The following SBNO1 variants were observed in gnomAD, a reference collection of about 807,000 sequenced individuals.
SBNO1 encodes protein strawberry notch homolog 1.
SBNO1 carries 23 observed loss-of-function variants against 173.6 expected under a neutral mutation model. The ratio of observed to expected loss-of-function variants is 0.13; its 90% CI spans 0.10 to 0.19. The LOEUF (loss-of-function observed/expected upper bound fraction) is 0.19. Among genes scored for constraint, SBNO1 ranks in the 10% least tolerant of loss-of-function variants. SBNO1 has a pLI of 1.00. For missense variants in SBNO1, 1,238 were observed against 1,671.2 expected, an observed-to-expected ratio of 0.74 and a Z score of 4.52; for synonymous variants, 632 against 571.5, an observed-to-expected ratio of 1.11 and a Z score of -1.51.
Position 123,364,846 on chromosome 12 carries a change from C to G in SBNO1, c.-146G>C. ...CCTCCCCGCCGCCATCTTGACGCCC[C>G]TCCCCCAGCCCCCCCGCCCCGCCGG... On this transcript the variant is annotated 5_prime_UTR_variant, in exon 1 of 32. Transcript: ENST00000602398. The G allele has an allele frequency of 1.1e-6, 1 of 919,736 alleles. No individual in the cohort carries two copies. Among genetic ancestry groups the G allele is most frequent in the Non-Finnish European group, 1.3e-6 (1 of 770,658 alleles). The allele number at this position is 919,736 out of a possible 1,614,324, so 57.0% of individuals were successfully genotyped here.
chr12:123,316,528 T>C (rs1230867127), intron 21 of SBNO1, among the ~76,000 whole-genome samples: 1 of 151,450 alleles, frequency 6.6e-6, no homozygotes, highest in Non-Finnish European at 1.5e-5. Flanking sequence ...CCAGCCTGTT[T>C]TTGTTTTTTG....
At chr12:123,317,883 G>A (rs1357219635) in intron 20 of SBNO1, among the ~76,000 whole-genome samples, 1 of 152,042 alleles carries the variant, frequency 6.6e-6, no homozygotes, top group Non-Finnish European at 1.5e-5. Context: ...AATGCATATG[G>A]GCCTAGATTC....
rs754665276 is a variant in SBNO1, at chr12:123,345,422, C to A, written c.386G>T (p.Ser129Ile). Residue 129 changes from serine (S) to isoleucine (I), a missense_variant, in exon 4 of 32, where the codon AGC (serine) becomes ATC (isoleucine). This residue lies in a region of SBNO1 where 287 missense variants were observed against 274.1 expected (regional missense o/e 1.05). Transcript: ENST00000602398. ...TLTKFIQTTASTRPSVSAPTV... is the reference protein window; with the variant it reads ...TLTKFIQTTAITRPSVSAPTV... ...TGGTGCTGAGACTGACGGGCGTGTG[C>A]TTGCAGTAGTCTGGATAAACTTAGT... 5 of 1,614,052 alleles carry A rather than the reference C, an allele frequency of 3.1e-6. No homozygotes were observed. In the African/African-American group the frequency reaches 5.3e-5, roughly 17 times the overall value.
At chr12:123,348,234 C>A (rs1873447008) in intron 2 of SBNO1, 101 bp from the exon 3 acceptor site, 2 of 605,420 alleles carry the variant, frequency 3.3e-6, no homozygotes, top group Non-Finnish European at 3.0e-6. Flanking sequence ...GTTTAACATT[C>A]AAACTGACGT....
intron 31 of SBNO1, among the ~76,000 whole-genome samples, chr12:123,297,041 C>G (rs1056249254): frequency 6.6e-6 from 1 of 151,400 alleles, no homozygotes; most frequent in African/African-American, 2.4e-5. Context: ...TATATGAAAC[C>G]TCTTGATTTT....
chr12:123,323,847 A>AGT lies in SBNO1; in HGVS notation c.1974-18_1974-17dup. 1 of 1,570,020 alleles carries AGT rather than the reference A, an allele frequency of 6.4e-7. No homozygotes were observed. The highest frequency in any genetic ancestry group is 8.6e-7 in the Non-Finnish European group (1 of 1,163,864). ...CAACACACCTCTGTAGGAGAGAAAC[A>AGT]GTGACAATTACTGCTTCAGTTGACA... On this transcript the variant is annotated splice_polypyrimidine_tract_variant and intron_variant, in intron 15 of 31. Transcript: ENST00000602398.
chr12:123,310,906 T>C, intron 25 of SBNO1, 149 bp downstream of exon 25: 1 of 612,360 alleles, frequency 1.6e-6, no homozygotes, highest in Non-Finnish European at 2.9e-6. Flanking sequence ...TCTCTATGCA[T>C]GGATCTTTTA....
intron 24 of SBNO1, 84 bp from the exon 25 acceptor site, chr12:123,311,213 T>C (rs1412113695): frequency 3.1e-6 from 3 of 968,004 alleles, no homozygotes; most frequent in African/African-American, 3.2e-5. Flanking sequence ...ATGTTGTAAG[T>C]AGTATCATGC....
chr12:123,358,480 G>A (rs761823889), intron 1 of SBNO1, among the ~76,000 whole-genome samples: 42 of 152,150 alleles, frequency 2.8e-4, no homozygotes, highest in African/African-American at 9.4e-4. Context: ...CGGGCCAGGC[G>A]CGGTGGCTCA....
chr12:123,342,802 G>T (rs1174723128), intron 4 of SBNO1, among the ~76,000 whole-genome samples: 1 of 152,162 alleles, frequency 6.6e-6, no homozygotes, highest in South Asian at 2.1e-4. Context: ...CACAGTACCT[G>T]GAATTCTTGA....
chr12:123,353,935 A>G lies in SBNO1; in HGVS notation c.1-3494T>C, dbSNP rs539619015. Among the ~76,000 whole-genome samples the G allele has an allele frequency of 2.0e-5, 3 of 152,336 alleles. No homozygotes were observed. In the East Asian group the frequency reaches 5.8e-4, roughly 29 times the overall value. ...AAACTACAGACCACAGAGCCCCTGC[A>G]GGCCACAGGATCCATCAGTCCATGA... On this transcript the variant is annotated intron_variant, in intron 1 of 31. Coordinates refer to ENST00000602398, the MANE Select transcript of SBNO1 (RefSeq NM_001167856.3).
chr12:123,318,337 G>C (rs968002733), intron 20 of SBNO1, among the ~76,000 whole-genome samples: 1 of 152,092 alleles, frequency 6.6e-6, no homozygotes, highest in African/African-American at 2.4e-5. Context: ...CTACTCAGGA[G>C]GCTGAGGCAG....
intron 29 of SBNO1, 92 bp from the exon 30 acceptor site, chr12:123,302,992 T>G: frequency 1.1e-6 from 1 of 918,614 alleles, no homozygotes; most frequent in Non-Finnish European, 1.8e-6. Flanking sequence ...GTAGCCAATT[T>G]AAAATAATCT....
At chr12:123,317,397 G>C in intron 20 of SBNO1, 41 bp from the exon 21 acceptor site, 1 of 1,599,638 alleles carries the variant, frequency 6.3e-7, no homozygotes, top group Non-Finnish European at 8.6e-7. Flanking sequence ...TTTTGCATAA[G>C]AACAAGCAGG....
rs770550040 is a variant in SBNO1 at position 123,328,845 on chromosome 12, A to G, written c.1185T>C (p.Gly395=). ...GTGAAGAGTAAGTAGCAAAAATAAC[A>G]CCCTTTTTCACACTCCCATTATGTT... ...SSKHNGSVKK[G]VIFATYSSLI... Residue 395 remains glycine, a synonymous_variant, in exon 10 of 32, where the codon GGT becomes GGC. Coordinates refer to ENST00000602398, the MANE Select transcript of SBNO1 (RefSeq NM_001167856.3). 3 of 1,606,236 alleles carry G rather than the reference A, an allele frequency of 1.9e-6. No homozygotes were observed. In the South Asian group the frequency reaches 3.3e-5, roughly 18 times the overall value.
intron 1 of SBNO1, among the ~76,000 whole-genome samples, chr12:123,363,037 G>A (rs1593433992): frequency 6.6e-6 from 1 of 152,100 alleles, no homozygotes; most frequent in Admixed American, 6.6e-5. Flanking sequence ...AGTGAGCTAT[G>A]ACCACGTCAC....
rs1307297351 is a variant in SBNO1, at chr12:123,295,717, T to G, written c.*191A>C. On this transcript the variant is annotated 3_prime_UTR_variant, in exon 32 of 32. Coordinates refer to ENST00000602398, the MANE Select transcript of SBNO1 (RefSeq NM_001167856.3). Reference sequence around the variant, plus strand: ...GGGGAGAAGCTAAAGGAAAGACATATGTACCACCATCAGCACTGCTGATTT... The same window carrying G: ...GGGGAGAAGCTAAAGGAAAGACATAGGTACCACCATCAGCACTGCTGATTT... 4.6e-6 allele frequency: 3 copies of G among 649,118 alleles called. No individual in the cohort carries two copies. The highest frequency in any genetic ancestry group is 4.8e-5 in the Admixed American group (2 of 41,434). The allele number at this position is 649,118 out of a possible 1,614,324, so 40.2% of individuals were successfully genotyped here.
At chr12:123,303,030 TA>T (rs2048833981) in intron 29 of SBNO1, 130 bp from the exon 30 acceptor site, 5 of 666,524 alleles carry the variant, frequency 7.5e-6, no homozygotes, top group Non-Finnish European at 1.3e-5. Context: ...CCCTTGCTAT[TA>T]ACTGAATCTG....
intron 4 of SBNO1, 111 bp downstream of exon 4, chr12:123,345,147 A>C (rs986939505): frequency 6.6e-6 from 6 of 904,724 alleles, no homozygotes; most frequent in South Asian, 6.5e-5. Context: ...AATAATGCAT[A>C]TAACACCCTT....
Sources: allele counts gnomAD v4.1 joint callset (sites outside exome capture counted in the v4.1 genomes callset), GRCh38; gene constraint gnomAD v4.1.1; regional missense constraint gnomAD v4.1.1; transcripts MANE v1.5; gene names NCBI Gene and HGNC (gene_info 2026-07-23, HGNC 2026-07-21).